The following HOMER1 variants were observed in gnomAD, a reference collection of about 807,000 sequenced individuals.
HOMER1 encodes homer protein homolog 1.
Under a neutral mutation model 48.9 loss-of-function variants are expected in HOMER1, and 3 were observed. The observed-to-expected ratio is 0.06, with a 90% CI of 0.03 to 0.16. The LOEUF is 0.16. Among genes scored for constraint, HOMER1 ranks in the 10% least tolerant of loss-of-function variants. The pLI is 1.00. For missense variants in HOMER1, 247 were observed against 411.4 expected (o/e 0.60, Z 3.46); for synonymous variants, 134 against 146.4 (o/e 0.92, Z 0.61).
intron 8 of HOMER1, among the ~76,000 whole-genome samples, chr5:79,396,177 G>C (rs1749378341): frequency 6.6e-6 from 1 of 151,990 alleles, no homozygotes; most frequent in Non-Finnish European, 1.5e-5. Flanking sequence ...GAATCAGGAA[G>C]AATACTATTT....
intron 1 of HOMER1, among the ~76,000 whole-genome samples, chr5:79,458,457 A>G (rs1200700095): frequency 6.6e-6 from 1 of 152,008 alleles, no homozygotes; most frequent in Non-Finnish European, 1.5e-5. Context: ...AAATTTGAAG[A>G]AAGGAAGAGT....
rs1256793885 is a variant in HOMER1 at position 79,375,264 on chromosome 5, T to G, written c.*745A>C. The G allele has an allele frequency of 6.6e-6, 1 of 152,094 alleles. No individual in the cohort carries two copies. The highest frequency in any genetic ancestry group is 1.5e-5 in the Non-Finnish European group (1 of 67,934). 9.4% of individuals were successfully genotyped at this position (152,094 alleles called of 1,614,324 possible). ...TTCTGAGGGACTCAGCTGCCTTCGT[T>G]AGTTGGCTTTAAAATGTGTAATAAA... is the stretch of plus-strand genomic sequence containing the variant. On this transcript the variant is annotated 3_prime_UTR_variant, in exon 9 of 9. Coordinates refer to ENST00000334082, the MANE Select transcript of HOMER1 (RefSeq NM_004272.5).
At chr5:79,405,085 A>G (rs1749631044) in intron 5 of HOMER1, among the ~76,000 whole-genome samples, 3 of 152,094 alleles carry the variant, frequency 2.0e-5, no homozygotes, top group South Asian at 4.1e-4. Flanking sequence ...TCTAACTCCC[A>G]GGATCTCACA....
Position 79,402,063 on chromosome 5 carries a change from AAAAC to A in HOMER1, c.528-12_528-9del. 6.2e-7 allele frequency: 1 copy of A among 1,610,176 alleles called. No homozygotes were observed. Among genetic ancestry groups the A allele is most frequent in the Non-Finnish European group, 8.5e-7 (1 of 1,179,238 alleles). On this transcript the variant is annotated splice_polypyrimidine_tract_variant and intron_variant, in intron 5 of 8. Coordinates refer to ENST00000334082, the MANE Select transcript of HOMER1 (RefSeq NM_004272.5). ...TGTTTGCTGATTGCTGAACTAAAATAAAACAAAAAGAAAATTCTATCCATTACAC... is the reference window on the plus strand; with the variant it reads ...TGTTTGCTGATTGCTGAACTAAAATAAAAAAGAAAATTCTATCCATTACAC...
chr5:79,443,316 T>C (rs891070981), intron 4 of HOMER1, among the ~76,000 whole-genome samples: 23 of 152,244 alleles, frequency 1.5e-4, no homozygotes, highest in African/African-American at 5.3e-4. Flanking sequence ...TATTCTACAA[T>C]ATAATATAAT....
At chr5:79,423,912 T>C (rs1282253294) in intron 5 of HOMER1, among the ~76,000 whole-genome samples, 1 of 152,068 alleles carries the variant, frequency 6.6e-6, no homozygotes, top group Non-Finnish European at 1.5e-5. Flanking sequence ...GAGATGATGG[T>C]AGGAATGTCA....
chr5:79,404,891 T>C (rs1340664324), intron 5 of HOMER1, among the ~76,000 whole-genome samples: 5 of 149,724 alleles, frequency 3.3e-5, no homozygotes, highest in Admixed American at 6.7e-5. Context: ...ATATTTTTAG[T>C]AGAGATAGGG....
At chr5:79,410,489 CAAAAAAAAAA>C (rs59290866) in intron 5 of HOMER1, among the ~76,000 whole-genome samples, 3 of 105,158 alleles carry the variant, frequency 2.9e-5, no homozygotes, top group South Asian at 3.0e-4. Context: ...AACTCTATCT[CAAAAAAAAAA>C]AAAAAAAAGA....
chr5:79,391,697 C>G (rs1396667799), intron 8 of HOMER1, among the ~76,000 whole-genome samples: 1 of 150,938 alleles, frequency 6.6e-6, no homozygotes, highest in Admixed American at 6.6e-5. Flanking sequence ...GAGCTGAGAT[C>G]GCGCCACTGC....
At chr5:79,439,235 T>G (rs1750679059) in intron 4 of HOMER1, 86 bp from the exon 5 acceptor site, 1 of 1,312,372 alleles carries the variant, frequency 7.6e-7, no homozygotes, top group South Asian at 1.4e-5. Context: ...CTGCCTTTGA[T>G]GTATGCTTAC....
Position 79,375,699 on chromosome 5 carries a change from T to C in HOMER1, c.*310A>G, listed in dbSNP as rs943890839. On this transcript the variant is annotated 3_prime_UTR_variant, in exon 9 of 9. Transcript: ENST00000334082. ...GACCTAGACATTGTTAATTCTCCCA[T>C]TGGCTAATATCAGGAAAAAAGATTG... is the stretch of plus-strand genomic sequence containing the variant. The C allele has an allele frequency of 4.0e-5, 8 of 200,504 alleles. No homozygotes were observed. The highest frequency in any genetic ancestry group is 1.2e-4 in the African/African-American group (5 of 43,432). 12.4% of individuals were successfully genotyped at this position (200,504 alleles called of 1,614,324 possible).
At chr5:79,480,107 CTG>C (rs2112339916) in intron 1 of HOMER1, among the ~76,000 whole-genome samples, 1 of 151,848 alleles carries the variant, frequency 6.6e-6, no homozygotes, top group Admixed American at 6.6e-5. Flanking sequence ...AGAAATAACA[CTG>C]TTTCAGAAGT....
In HOMER1 at chr5:79,504,410, C is replaced by CA. The variant is rs11285306; in HGVS notation, c.5+8359dup. On this transcript the variant is annotated intron_variant, in intron 1 of 8. Coordinates refer to ENST00000334082, the MANE Select transcript of HOMER1 (RefSeq NM_004272.5). ...CAGCACTGTTTTACAAAAGAATAAG[C>CA]AAAAAAAAAAAAAAGGGCACAGAAA... Among the ~76,000 whole-genome samples, 618 of 123,500 alleles carry CA rather than the reference C, an allele frequency of 5.0e-3. 5 individuals are homozygous for CA. Among genetic ancestry groups the CA allele is most frequent in the East Asian group, 0.011 (50 of 4,572 alleles). 81.0% of individuals were successfully genotyped at this position (123,500 alleles called of 152,430 possible).
At chr5:79,387,037 CCCTCT>C (rs1303869000) in intron 8 of HOMER1, among the ~76,000 whole-genome samples, 1 of 141,976 alleles carries the variant, frequency 7.0e-6, no homozygotes, top group Non-Finnish European at 1.5e-5. Flanking sequence ...CTCCCTCCCT[CCCTCT>C]CCTTCCTTCC....
At chr5:79,465,265 T>G in intron 1 of HOMER1, among the ~76,000 whole-genome samples, 1 of 151,906 alleles carries the variant, frequency 6.6e-6, no homozygotes, top group Non-Finnish European at 1.5e-5. Context: ...AGCCCAGGAG[T>G]TGGAGGCTGC....
intron 8 of HOMER1, among the ~76,000 whole-genome samples, chr5:79,390,213 G>T (rs1026874895): frequency 6.6e-6 from 1 of 152,262 alleles, no homozygotes; most frequent in African/African-American, 2.4e-5. Flanking sequence ...TTGAGCCCAG[G>T]AGGTCGAGAC....
At chr5:79,495,232 T>C (rs886687416) in intron 1 of HOMER1, among the ~76,000 whole-genome samples, 1 of 152,186 alleles carries the variant, frequency 6.6e-6, no homozygotes, top group Non-Finnish European at 1.5e-5. Flanking sequence ...ATCTGGCCTC[T>C]ATCCTTCTAG....
At chr5:79,421,781 A>G (rs1750107438) in intron 5 of HOMER1, among the ~76,000 whole-genome samples, 1 of 151,356 alleles carries the variant, frequency 6.6e-6, no homozygotes, top group African/African-American at 2.4e-5. Flanking sequence ...ATTTTTTTGT[A>G]TTTTTTAGTA....
chr5:79,390,548 CAT>C (rs1395180239), intron 8 of HOMER1, among the ~76,000 whole-genome samples: 1 of 151,948 alleles, frequency 6.6e-6, no homozygotes, highest in Non-Finnish European at 1.5e-5. Context: ...TGAGACCAAA[CAT>C]AAAAATCATA....
Sources: allele counts gnomAD v4.1 joint callset (sites outside exome capture counted in the v4.1 genomes callset), GRCh38; gene constraint gnomAD v4.1.1; transcripts MANE v1.5; gene names NCBI Gene and HGNC (gene_info 2026-07-23, HGNC 2026-07-21).